The following MACROD2 variants were observed in gnomAD, a reference collection of about 807,000 sequenced individuals.
The protein encoded by MACROD2 is mono-ADP ribosylhydrolase 2.
A neutral mutation model predicts 70.4 loss-of-function variants in MACROD2; 36 were observed. That is an observed-to-expected ratio of 0.51 (90% CI 0.39 to 0.68). The LOEUF (loss-of-function observed/expected upper bound fraction) is 0.68. Ranked by LOEUF, MACROD2 falls within the 30% of genes least tolerant of loss-of-function variation. The pLI, the probability that MACROD2 is intolerant of heterozygous loss-of-function variation, is 0.00. For missense variants in MACROD2, 496 were observed against 538.4 expected (o/e 0.92, Z 0.78); for synonymous variants, 172 against 178.8 (o/e 0.96, Z 0.30).
chr20:15,706,872 A>G (rs1030419677), intron 8 of MACROD2, among the ~76,000 whole-genome samples: 1 of 152,182 alleles, frequency 6.6e-6, no homozygotes, highest in African/African-American at 2.4e-5. Flanking sequence ...AACTGACATC[A>G]CAGGAAGATT....
At chr20:14,567,549 GTT>G (rs1465427047) in intron 4 of MACROD2, among the ~76,000 whole-genome samples, 21 of 151,992 alleles carry the variant, frequency 1.4e-4, no homozygotes, top group African/African-American at 4.8e-4. Flanking sequence ...GGCTATACTT[GTT>G]ATTTATGGTG....
In MACROD2 at chr20:15,116,755, C is replaced by T. The variant is rs138507679; in HGVS notation, c.419-113185C>T. Among the ~76,000 whole-genome samples, 255 of 152,176 alleles carry T rather than the reference C, an allele frequency of 1.7e-3. 1 individual carries two copies. The highest frequency in any genetic ancestry group is 5.9e-3 in the African/African-American group (243 of 41,526). On this transcript the variant is annotated intron_variant, in intron 5 of 17. Transcript: ENST00000684519. ...ACAGTATATAATACATAACTGTATA[C>T]AGTATGCATTAATTGAAAGTTTATG... is the stretch of plus-strand genomic sequence containing the variant.
At chr20:15,362,726 GAT>G (rs1241806220) in intron 6 of MACROD2, among the ~76,000 whole-genome samples, 2 of 151,866 alleles carry the variant, frequency 1.3e-5, no homozygotes, top group Admixed American at 6.6e-5. Context: ...AATTTAAAAA[GAT>G]ATTTAAAGCT....
At chr20:14,275,060 G>A (rs1404938248) in intron 3 of MACROD2, among the ~76,000 whole-genome samples, 9 of 150,870 alleles carry the variant, frequency 6.0e-5, no homozygotes, top group Admixed American at 5.3e-4. Flanking sequence ...ATCGTGAAAG[G>A]TAATTTATAG....
At chr20:15,950,670 C>T (rs1459701767) in intron 12 of MACROD2, among the ~76,000 whole-genome samples, 2 of 152,116 alleles carry the variant, frequency 1.3e-5, no homozygotes, top group East Asian at 1.9e-4. Flanking sequence ...ATAAGCAACA[C>T]GGTGGGGCTC....
chr20:15,488,732 T>G (rs2047191989), intron 7 of MACROD2, among the ~76,000 whole-genome samples: 1 of 152,198 alleles, frequency 6.6e-6, no homozygotes, highest in Admixed American at 6.5e-5. Flanking sequence ...ATACGCCTTT[T>G]CTATTCAAAT....
At chr20:15,107,393 G>T (rs560084881) in intron 5 of MACROD2, among the ~76,000 whole-genome samples, 3 of 151,798 alleles carry the variant, frequency 2.0e-5, no homozygotes, top group Non-Finnish European at 4.4e-5. Flanking sequence ...TTGTTGTCAA[G>T]CTCTTTTAAT....
chr20:15,967,508 C>T lies in MACROD2; in HGVS notation c.908-45C>T, dbSNP rs776051073. 37 of 1,504,510 alleles carry T rather than the reference C, an allele frequency of 2.5e-5. No homozygotes were observed. The South Asian group carries it at 4.2e-4, about 17-fold the overall frequency. 93.2% of individuals were successfully genotyped at this position (1,504,510 alleles called of 1,614,324 possible). On this transcript the variant is annotated intron_variant, in intron 12 of 17. Transcript: ENST00000684519. The stretch of plus-strand genomic sequence containing the variant: ...GTTAGTGCTGAAAGCTGCTCTGTTT[C>T]CAAGTTAAAAATGCTGACCAAAGGT...
intron 8 of MACROD2, among the ~76,000 whole-genome samples, chr20:15,703,415 A>C (rs555094912): frequency 6.6e-6 from 1 of 151,960 alleles, no homozygotes; most frequent in East Asian, 1.9e-4. Flanking sequence ...GAGTCACTTC[A>C]CTCTTGTAAT....
chr20:14,954,700 A>AATAT, intron 5 of MACROD2, among the ~76,000 whole-genome samples: 1 of 78,474 alleles, frequency 1.3e-5, no homozygotes, highest in Non-Finnish European at 2.3e-5. Context: ...TAAAATTATA[A>AATAT]ATAAATTATA....
chr20:15,943,242 T>C (rs2065774812), intron 12 of MACROD2, among the ~76,000 whole-genome samples: 1 of 152,156 alleles, frequency 6.6e-6, no homozygotes, highest in South Asian at 2.1e-4. Context: ...TGGCCAGTGG[T>C]GTGGACTCAA....
At chr20:15,672,792 T>A (rs997172912) in intron 8 of MACROD2, among the ~76,000 whole-genome samples, 2 of 152,204 alleles carry the variant, frequency 1.3e-5, no homozygotes, top group African/African-American at 4.8e-5. Context: ...GGTTTAGCTG[T>A]GTCCCCACCC....
intron 3 of MACROD2, among the ~76,000 whole-genome samples, chr20:14,215,483 T>C (rs945914104): frequency 1.3e-5 from 2 of 152,074 alleles, no homozygotes; most frequent in Admixed American, 1.3e-4. Context: ...TTTAAGTATC[T>C]TTTTCGAATA....
intron 2 of MACROD2, among the ~76,000 whole-genome samples, chr20:14,068,956 T>G (rs957319306): frequency 6.6e-6 from 1 of 152,176 alleles, no homozygotes; most frequent in African/African-American, 2.4e-5. Flanking sequence ...TGTTTTGTTT[T>G]GTTTTGTTTT....
intron 3 of MACROD2, among the ~76,000 whole-genome samples, chr20:14,164,827 G>A (rs1236192006): frequency 6.6e-6 from 1 of 152,204 alleles, no homozygotes; most frequent in Non-Finnish European, 1.5e-5. Flanking sequence ...ACTGAGGAGG[G>A]CAAGATGCCT....
chr20:15,188,845 T>C (rs565817138), intron 5 of MACROD2, among the ~76,000 whole-genome samples: 1 of 152,296 alleles, frequency 6.6e-6, no homozygotes, highest in South Asian at 2.1e-4. Context: ...CTCTTGCTCT[T>C]TTTTTGGAAC....
intron 8 of MACROD2, among the ~76,000 whole-genome samples, chr20:15,607,206 C>T (rs1037811137): frequency 1.3e-5 from 2 of 152,188 alleles, no homozygotes; most frequent in Non-Finnish European, 2.9e-5. Context: ...AATAACATGT[C>T]AGAGGCTAAA....
chr20:15,066,403 G>A (rs2075575620), intron 5 of MACROD2, among the ~76,000 whole-genome samples: 1 of 151,928 alleles, frequency 6.6e-6, no homozygotes, highest in Non-Finnish European at 1.5e-5. Flanking sequence ...CAAACTGCTG[G>A]GATGGCAGGT....
At chr20:14,997,568 C>A (rs1319874439) in intron 5 of MACROD2, among the ~76,000 whole-genome samples, 1 of 152,128 alleles carries the variant, frequency 6.6e-6, no homozygotes, top group Non-Finnish European at 1.5e-5. Flanking sequence ...ACTTGGGTAC[C>A]AGCTCAGCCA....
Sources: allele counts gnomAD v4.1 joint callset (sites outside exome capture counted in the v4.1 genomes callset), GRCh38; gene constraint gnomAD v4.1.1; transcripts MANE v1.5; gene names NCBI Gene and HGNC (gene_info 2026-07-23, HGNC 2026-07-21).